The following MTMR12 variants were observed in gnomAD, a reference collection of about 807,000 sequenced individuals.
MTMR12 encodes the protein myotubularin-related protein 12.
Under a neutral mutation model 96.7 loss-of-function variants are expected in MTMR12, and 33 were observed. The ratio of observed to expected loss-of-function variants is 0.34; its 90% CI spans 0.26 to 0.46. MTMR12 has a LOEUF of 0.46. Ranked by LOEUF, MTMR12 falls within the 20% of genes least tolerant of loss-of-function variation. The pLI is 1.00. For synonymous variants in MTMR12, 298 were observed against 327.2 expected, an observed-to-expected ratio of 0.91 and a Z score of 0.96; for missense variants, 721 against 896.1, an observed-to-expected ratio of 0.80 and a Z score of 2.49.
rs1749707804 is a variant in MTMR12, at chr5:32,268,794, T to C, written c.490A>G (p.Ile164Val). The stretch of plus-strand genomic sequence containing the variant: ...GTATGATGAATTATGCCACTGACAA[T>C]CTAAAAAAGAATCGAACAATGGATA... ...RYTKEEEVKR[I>V]VSGIIHHTQA... The change falls in exon 6 of 16, where the codon ATT (isoleucine) becomes GTT (valine). Residue 164 changes from isoleucine to valine, a missense_variant and splice_region_variant. By Grantham distance (29) the Ile-to-Val change is conservative (BLOSUM62 3). Transcript: ENST00000382142. The C allele has an allele frequency of 6.2e-7, 1 of 1,610,488 alleles. No individual in the cohort carries two copies. The highest frequency in any genetic ancestry group is 8.5e-7 in the Non-Finnish European group (1 of 1,176,756).
intron 1 of MTMR12, among the ~76,000 whole-genome samples, chr5:32,299,635 G>A (rs556906695): frequency 1.5e-4 from 23 of 152,306 alleles, no homozygotes; most frequent in Non-Finnish European, 3.1e-4. Flanking sequence ...ACAGATGAGA[G>A]GTGCCCACAG....
rs768735000 is a variant in MTMR12 at position 32,263,150 on chromosome 5, C to T, written c.676G>A (p.Ala226Thr). The T allele has an allele frequency of 6.2e-7, 1 of 1,614,222 alleles. No individual in the cohort carries two copies. The highest frequency in any genetic ancestry group is 8.5e-7 in the Non-Finnish European group (1 of 1,180,042). The change falls in exon 7 of 16, where the codon GCA (alanine) becomes ACA (threonine). Residue 226 changes from alanine to threonine, a missense_variant. Ala to Thr is a moderately conservative substitution (Grantham distance 58). Transcript: ENST00000382142. ...TTATAGCCTTCGTTGACACTCACTG[C>T]TTTGTACTTCATGTTGCCTTTGGTC... ...ERTKGNMKYK[A>T]VSVNEGYKVC...
rs1185233023 is a variant in MTMR12 at position 32,242,120 on chromosome 5, G to A, written c.1108C>T (p.Leu370=). 2 of 1,611,138 alleles carry A rather than the reference G, an allele frequency of 1.2e-6. No homozygotes were observed. The highest frequency in any genetic ancestry group is 1.7e-6 in the Non-Finnish European group (2 of 1,178,118). ...TCTGTAATCTCTATTGCTTTTTTCA[G>A]GCAACGTCTGAATAGGAAAGAGACA... ...SSWLDIIRRC[L]KKAIEITECM... The change falls in exon 12 of 16, where the codon CTG becomes TTG. Residue 370 remains leucine (L), a synonymous_variant. Transcript: ENST00000382142.
chr5:32,276,728 G>C lies in MTMR12; in HGVS notation c.96C>G (p.Asn32Lys). ...SYVRPEEIHT[N>K]EKEVTEKEVT... ...CTTCCTTCTCTGTTACTTCCTTTTC[G>C]TTTGTGTGAATTTCCTAAAAGAGAA... Residue 32 changes from asparagine (N) to lysine (K), a missense_variant, in exon 2 of 16, where the codon AAC becomes AAG. By Grantham distance (94) the Asn-to-Lys change is moderately conservative (BLOSUM62 0). Transcript: ENST00000382142. 6.2e-7 allele frequency: 1 copy of C among 1,613,598 alleles called. No individual in the cohort carries two copies. The highest frequency in any genetic ancestry group is 8.5e-7 in the Non-Finnish European group (1 of 1,179,740).
chr5:32,260,037 CAAAAAAAAAAA>C (rs55822680), intron 7 of MTMR12, among the ~76,000 whole-genome samples: 20 of 54,830 alleles, frequency 3.6e-4, no homozygotes, highest in African/African-American at 1.2e-3. Context: ...CTCAGTCTCC[CAAAAAAAAAAA>C]AAAAAAAAGC....
chr5:32,255,556 G>A (rs1749102752), intron 8 of MTMR12, 137 bp downstream of exon 8: 2 of 759,034 alleles, frequency 2.6e-6, no homozygotes, highest in Non-Finnish European at 4.2e-6. Flanking sequence ...CTTCTAGGGA[G>A]TCCCTAAGAT....
intron 14 of MTMR12, 114 bp downstream of exon 14, chr5:32,234,848 T>G: frequency 1.0e-6 from 1 of 991,852 alleles, no homozygotes; most frequent in Non-Finnish European, 1.5e-6. Context: ...TCCAACTTTG[T>G]TTAGTGTATG....
intron 13 of MTMR12, among the ~76,000 whole-genome samples, chr5:32,237,737 C>T (rs1259096475): frequency 6.6e-6 from 1 of 152,036 alleles, no homozygotes; most frequent in African/African-American, 2.4e-5. Flanking sequence ...GTGTCGACCT[C>T]CTGACCTTGT....
chr5:32,308,767 G>C (rs1751455977), intron 1 of MTMR12, among the ~76,000 whole-genome samples: 1 of 152,042 alleles, frequency 6.6e-6, no homozygotes, highest in Admixed American at 6.6e-5. Context: ...ACCACGCCCA[G>C]GTAATTTTTG....
chr5:32,266,092 C>A (rs968293609), intron 6 of MTMR12, among the ~76,000 whole-genome samples: 6 of 152,210 alleles, frequency 3.9e-5, no homozygotes, highest in African/African-American at 1.4e-4. Flanking sequence ...AGATGCTCCA[C>A]TATCTGCTAA....
chr5:32,251,643 G>A (rs183643277), intron 8 of MTMR12, among the ~76,000 whole-genome samples: 113 of 152,302 alleles, frequency 7.4e-4, no homozygotes, highest in African/African-American at 2.5e-3. Context: ...CAAGACAGCC[G>A]CTTGACTACG....
intron 1 of MTMR12, among the ~76,000 whole-genome samples, chr5:32,302,012 A>C (rs1751168733): frequency 6.6e-6 from 1 of 152,242 alleles, no homozygotes. Flanking sequence ...ATCTGTCACA[A>C]GAGGAAGGTC....
intron 1 of MTMR12, among the ~76,000 whole-genome samples, chr5:32,283,980 C>T (rs559529676): frequency 6.6e-6 from 1 of 152,192 alleles, no homozygotes; most frequent in South Asian, 2.1e-4. Flanking sequence ...GGTATGTATG[C>T]CTGAGCAATT....
chr5:32,248,808 T>C lies in MTMR12; in HGVS notation c.860A>G (p.Asp287Gly). 1.2e-6 allele frequency: 2 copies of C among 1,614,168 alleles called. No individual in the cohort carries two copies. The highest frequency in any genetic ancestry group is 8.5e-7 in the Non-Finnish European group (1 of 1,180,010). ...KMSALPKEQDDGILQIQKSFL... is the reference protein window; with the variant it reads ...KMSALPKEQDGGILQIQKSFL... ...GCTCTTTTGGATTTGTAAAATGCCG[T>C]CATCCTGTTCTTTGGGCAGTGCTGA... is the stretch of plus-strand genomic sequence containing the variant. Residue 287 changes from aspartate (D) to glycine (G), a missense_variant, in exon 9 of 16, where the codon GAC (aspartate) becomes GGC (glycine). Coordinates refer to ENST00000382142, the MANE Select transcript of MTMR12 (RefSeq NM_001040446.3).
At chr5:32,234,883 T>C (rs1038596712) in intron 14 of MTMR12, 79 bp downstream of exon 14, 2 of 1,359,744 alleles carry the variant, frequency 1.5e-6, no homozygotes, top group African/African-American at 2.9e-5. Context: ...CACCATTTTA[T>C]TTGTAGCATC....
chr5:32,229,698 G>T lies in MTMR12; in HGVS notation c.*80C>A, dbSNP rs2111968118. The T allele has an allele frequency of 7.3e-7, 1 of 1,379,234 alleles. No homozygotes were observed. The highest frequency in any genetic ancestry group is 1.8e-5 in the South Asian group (1 of 56,454). 85.4% of individuals were successfully genotyped at this position (1,379,234 alleles called of 1,614,324 possible). A position where few individuals can be genotyped will look rare whatever the true frequency, so the allele number is the denominator to read the frequency against. ...GCCGGGCTAAGGACCCAGCCAGCAT[G>T]AGCTGTAGCGTGACACAAATCCAGG... On this transcript the variant is annotated 3_prime_UTR_variant, in exon 16 of 16. Coordinates refer to ENST00000382142, the MANE Select transcript of MTMR12 (RefSeq NM_001040446.3).
At chr5:32,270,459 G>A (rs572106762) in intron 5 of MTMR12, among the ~76,000 whole-genome samples, 138 of 152,220 alleles carry the variant, frequency 9.1e-4, no homozygotes, top group African/African-American at 3.3e-3. Context: ...CAACACTACT[G>A]TCTTTTGGAA....
intron 1 of MTMR12, among the ~76,000 whole-genome samples, chr5:32,298,956 A>G (rs1438577508): frequency 6.6e-6 from 1 of 150,704 alleles, no homozygotes; most frequent in Non-Finnish European, 1.5e-5. Context: ...CCATCTCAAA[A>G]AAAAAAAAAA....
intron 1 of MTMR12, among the ~76,000 whole-genome samples, chr5:32,311,621 G>C (rs1034988655): frequency 1.3e-5 from 2 of 152,314 alleles, no homozygotes; most frequent in African/African-American, 2.4e-5. Flanking sequence ...AAACAAGAAG[G>C]CTTCTCATTA....
Sources: gnomAD v4.1 joint callset for allele counts (sites outside exome capture counted in the v4.1 genomes callset) on GRCh38, gnomAD v4.1.1 for gene constraint, MANE v1.5 for transcripts, NCBI Gene and HGNC (gene_info 2026-07-23, HGNC 2026-07-21) for gene names.